Variants in FHIT observed in about 807,000 individuals in gnomAD.
FHIT encodes bis(5'-adenosyl)-triphosphatase.
In FHIT, 19 loss-of-function variants were observed where a neutral mutation model predicts 17.9. The observed-to-expected ratio is 1.06, with a 90% confidence interval of 0.74 to 1.56. FHIT has a LOEUF of 1.56. Ranked by LOEUF, FHIT falls within the 40% of genes most tolerant of loss-of-function variation. The pLI, the probability that FHIT is intolerant of heterozygous loss-of-function variation, is 0.00. For synonymous variants in FHIT, 81 were observed against 69.7 expected (o/e 1.16, Z -0.81); for missense variants, 248 against 189.2 (o/e 1.31, Z -1.82).
chr3:60,996,788 G>A (rs2030706200), intron 3 of FHIT, among the ~76,000 whole-genome samples: 1 of 152,166 alleles, frequency 6.6e-6, no homozygotes, highest in African/African-American at 2.4e-5. Context: ...TTTGAATAAA[G>A]TTATCATTTT....
chr3:60,948,889 C>A (rs969955132), intron 3 of FHIT, among the ~76,000 whole-genome samples: 1 of 152,122 alleles, frequency 6.6e-6, no homozygotes, highest in Non-Finnish European at 1.5e-5. Flanking sequence ...AAGGTCAACA[C>A]CGCTCTTTTG....
chr3:60,965,359 C>A (rs1309128018), intron 3 of FHIT, among the ~76,000 whole-genome samples: 3 of 152,186 alleles, frequency 2.0e-5, no homozygotes, highest in Admixed American at 6.5e-5. Flanking sequence ...TTTTTAGCTT[C>A]TTTGCGATGG....
At chr3:60,669,006 C>T (rs958853483) in intron 4 of FHIT, among the ~76,000 whole-genome samples, 12 of 152,240 alleles carry the variant, frequency 7.9e-5, no homozygotes, top group African/African-American at 2.9e-4. Flanking sequence ...ATTTTAATTG[C>T]ATATTTCCAT....
At chr3:59,846,869 C>T (rs633189) in intron 8 of FHIT, among the ~76,000 whole-genome samples, 1 of 151,832 alleles carries the variant, frequency 6.6e-6, no homozygotes, top group African/African-American at 2.4e-5. Context: ...TATTGGCTGA[C>T]AGTTTTTTTT....
At chr3:60,011,668 G>C (rs992002450) in intron 6 of FHIT, among the ~76,000 whole-genome samples, 1 of 152,134 alleles carries the variant, frequency 6.6e-6, no homozygotes, top group African/African-American at 2.4e-5. Context: ...TCTAGGCTAT[G>C]GTTTTAATTG....
At chr3:60,929,399 T>C (rs1266380382) in intron 3 of FHIT, among the ~76,000 whole-genome samples, 2 of 152,142 alleles carry the variant, frequency 1.3e-5, no homozygotes, top group Non-Finnish European at 2.9e-5. Flanking sequence ...GGGCATTCAA[T>C]TAGGAAAAGA....
In FHIT at chr3:61,027,774, C is replaced by G. The variant is rs142881672; in HGVS notation, c.-111+14273G>C. Reference sequence around the variant, plus strand: ...ATGGATATAAGAATTTGGCAAAAATCAACCAAAGCAGTGTGTGAGAATCTA... The same window carrying G: ...ATGGATATAAGAATTTGGCAAAAATGAACCAAAGCAGTGTGTGAGAATCTA... On this transcript the variant is annotated intron_variant, in intron 3 of 9. Coordinates refer to ENST00000492590, the MANE Select transcript of FHIT (RefSeq NM_002012.4). Among the ~76,000 whole-genome samples, 4 of 152,296 alleles carry G rather than the reference C, an allele frequency of 2.6e-5. No individual in the cohort carries two copies. In the East Asian group the frequency reaches 7.7e-4, roughly 29 times the overall value.
chr3:59,832,063 C>T (rs540584270), intron 8 of FHIT, among the ~76,000 whole-genome samples: 18 of 152,262 alleles, frequency 1.2e-4, no homozygotes, highest in Admixed American at 1.0e-3. Context: ...CCCAGTGATC[C>T]ACTTGCCCCC....
intron 6 of FHIT, among the ~76,000 whole-genome samples, 189 bp from the exon 7 acceptor site, chr3:60,011,589 G>A (rs7622777): frequency 0.072 from 11,020 of 152,170 alleles, 507 homozygotes; most frequent in South Asian, 0.13. Flanking sequence ...GAGTAAGTGC[G>A]AAGTTATGTA....
At chr3:61,127,094 T>C (rs545098838) in intron 2 of FHIT, among the ~76,000 whole-genome samples, 1 of 152,176 alleles carries the variant, frequency 6.6e-6, no homozygotes, top group East Asian at 1.9e-4. Flanking sequence ...GAGCAGGTTG[T>C]GAACCAAGGA....
intron 4 of FHIT, among the ~76,000 whole-genome samples, chr3:60,561,195 T>A (rs2036932827): frequency 6.6e-6 from 1 of 151,876 alleles, no homozygotes; most frequent in Non-Finnish European, 1.5e-5. Context: ...GTGTAGAAAT[T>A]ACACATCAAA....
At chr3:59,961,034 G>A (rs968689825) in intron 7 of FHIT, among the ~76,000 whole-genome samples, 3 of 152,204 alleles carry the variant, frequency 2.0e-5, no homozygotes, top group African/African-American at 4.8e-5. Flanking sequence ...CAAAATGTCC[G>A]AAAGTGGTTT....
intron 4 of FHIT, among the ~76,000 whole-genome samples, chr3:60,628,164 A>G (rs892526753): frequency 2.0e-5 from 3 of 152,184 alleles, no homozygotes; most frequent in Non-Finnish European, 4.4e-5. Flanking sequence ...CATCAATGAC[A>G]TAAAATTGTT....
chr3:60,371,099 A>C (rs576398708), intron 5 of FHIT, among the ~76,000 whole-genome samples: 48 of 152,304 alleles, frequency 3.2e-4, no homozygotes, highest in Non-Finnish European at 1.0e-4. Context: ...CCTGAGACAG[A>C]AGACTCTGGT....
intron 3 of FHIT, among the ~76,000 whole-genome samples, chr3:60,957,916 G>C (rs1042185535): frequency 6.6e-6 from 1 of 152,190 alleles, no homozygotes; most frequent in Non-Finnish European, 1.5e-5. Flanking sequence ...ACACCTGTTT[G>C]TTAAATAAAT....
At chr3:60,304,385 C>T (rs1708581756) in intron 5 of FHIT, among the ~76,000 whole-genome samples, 2 of 151,942 alleles carry the variant, frequency 1.3e-5, no homozygotes, top group Admixed American at 1.3e-4. Flanking sequence ...AAATGACCAC[C>T]ACACCTCAGG....
At chr3:60,219,974 C>G (rs371613484) in intron 5 of FHIT, among the ~76,000 whole-genome samples, 1 of 152,084 alleles carries the variant, frequency 6.6e-6, no homozygotes, top group Non-Finnish European at 1.5e-5. Flanking sequence ...TACTTGCAGC[C>G]GAGGAAAATC....
chr3:60,965,260 A>C (rs1429917400), intron 3 of FHIT, among the ~76,000 whole-genome samples: 1 of 152,056 alleles, frequency 6.6e-6, no homozygotes, highest in African/African-American at 2.4e-5. Flanking sequence ...CGTAGTTCTC[A>C]TGCCATGGTT....
At chr3:60,009,368 C>G (rs1700055164) in intron 7 of FHIT, among the ~76,000 whole-genome samples, 1 of 152,194 alleles carries the variant, frequency 6.6e-6, no homozygotes, top group Non-Finnish European at 1.5e-5. Flanking sequence ...ATTTAAAAAA[C>G]AGAATCGTTT....
Sources: gnomAD v4.1 joint callset for allele counts (sites outside exome capture counted in the v4.1 genomes callset) on GRCh38, gnomAD v4.1.1 for gene constraint, MANE v1.5 for transcripts, NCBI Gene and HGNC (gene_info 2026-07-23, HGNC 2026-07-21) for gene names.